Variants in HNRNPDL observed in about 807,000 individuals in gnomAD.
HNRNPDL encodes the protein heterogeneous nuclear ribonucleoprotein D-like.
In HNRNPDL, 18 loss-of-function variants were observed where a neutral mutation model predicts 48.0. That is an observed-to-expected ratio of 0.38 (90% confidence interval 0.26 to 0.56). HNRNPDL has a LOEUF of 0.56. HNRNPDL is among the 20% of genes least tolerant of loss of function. The pLI, the probability that HNRNPDL is intolerant of heterozygous loss-of-function variation, is 0.77. For synonymous variants in HNRNPDL, 306 were observed against 207.3 expected (o/e 1.48, Z -4.09); for missense variants, 553 against 540.7 (o/e 1.02, Z -0.23).
In HNRNPDL at chr4:82,423,951, TACA is replaced by T. The variant is rs1340095489; in HGVS notation, c.*952_*954del. 1 of 152,268 alleles carries T rather than the reference TACA, an allele frequency of 6.6e-6. No homozygotes were observed. The highest frequency in any genetic ancestry group is 6.5e-5 in the Admixed American group (1 of 15,282). The allele number at this position is 152,268 out of a possible 1,614,324, so 9.4% of individuals were successfully genotyped here. On this transcript the variant is annotated 3_prime_UTR_variant, in exon 8 of 8. Transcript: ENST00000295470. ...AAACTCACAGAGCATTAACAGCTAATACAACTTCCTCAGGATGCCCAAACAGAA... is the reference window on the plus strand; with the variant it reads ...AAACTCACAGAGCATTAACAGCTAATACTTCCTCAGGATGCCCAAACAGAA...
In HNRNPDL at chr4:82,429,482, G is replaced by A. The variant is rs1376844254; in HGVS notation, c.209C>T (p.Ala70Val). ...CCCTCCCTTTATAGCCGCCCCGCCC[G>A]CCAATCGGGAGGGCTGCTGGGCGGT... is the stretch of plus-strand genomic sequence containing the variant. The part of the protein sequence containing the change: ...HVTAQQPSRL[A>V]GGAAIKGGRR... Residue 70 changes from alanine (A) to valine (V), a missense_variant, in exon 1 of 8, where the codon GCG becomes GTG. This residue lies in a region of HNRNPDL where 327 missense variants were observed against 203.2 expected (regional missense o/e 1.61). Transcript: ENST00000295470. 4 of 1,575,038 alleles carry A rather than the reference G, an allele frequency of 2.5e-6. No homozygotes were observed. The highest frequency in any genetic ancestry group is 4.7e-5 in the East Asian group (2 of 42,804).
Position 82,426,051 on chromosome 4 carries a change from G to C in HNRNPDL, c.*8C>G. 6.2e-7 allele frequency: 1 copy of C among 1,602,234 alleles called. No individual in the cohort carries two copies. The highest frequency in any genetic ancestry group is 8.5e-7 in the Non-Finnish European group (1 of 1,169,616). On this transcript the variant is annotated 3_prime_UTR_variant, in exon 7 of 8. Coordinates refer to ENST00000295470, the MANE Select transcript of HNRNPDL (RefSeq NM_031372.4). ...CTTATACACACCTGTTTTCTCCAAT[G>C]TTCTCCTTTAGTATGGCTGGTAATT...
In HNRNPDL at chr4:82,429,424, A is replaced by C; in HGVS notation, c.267T>G (p.His89Gln). 6.2e-7 allele frequency: 1 copy of C among 1,612,574 alleles called. No individual in the cohort carries two copies. Among genetic ancestry groups the C allele is most frequent in the Non-Finnish European group, 8.5e-7 (1 of 1,179,504 alleles). The change falls in exon 1 of 8, where the codon CAT (histidine) becomes CAG (glutamine). Residue 89 changes from histidine to glutamine, a missense_variant. This residue lies in a region of HNRNPDL where 327 missense variants were observed against 203.2 expected (regional missense o/e 1.61). Transcript: ENST00000295470. ...AGCGTTGTATGGAGCTGGATTTAAAATGGCGGCGGAAGAGATCCGGGCGCC... is the reference window on the plus strand; with the variant it reads ...AGCGTTGTATGGAGCTGGATTTAAACTGGCGGCGGAAGAGATCCGGGCGCC... ...RRRRPDLFRRHFKSSSIQRSA... is the reference protein window; with the variant it reads ...RRRRPDLFRRQFKSSSIQRSA...
chr4:82,424,105 T>C lies in HNRNPDL; in HGVS notation c.*801A>G, dbSNP rs2110025692. 1 of 152,338 alleles carries C rather than the reference T, an allele frequency of 6.6e-6. No homozygotes were observed. Among genetic ancestry groups the C allele is most frequent in the Non-Finnish European group, 1.5e-5 (1 of 68,026 alleles). 9.4% of individuals were successfully genotyped at this position (152,338 alleles called of 1,614,324 possible). A position where few individuals can be genotyped will look rare whatever the true frequency, so the allele number is the denominator to read the frequency against. ...ATCCTTGAGTTGTAACTACTTCCAATGCTCTTAAACCATAGCTCCTACCAG... is the reference window on the plus strand; with the variant it reads ...ATCCTTGAGTTGTAACTACTTCCAACGCTCTTAAACCATAGCTCCTACCAG... On this transcript the variant is annotated 3_prime_UTR_variant, in exon 8 of 8. Coordinates refer to ENST00000295470, the MANE Select transcript of HNRNPDL (RefSeq NM_031372.4).
chr4:82,425,983 G>T, intron 7 of HNRNPDL, 54 bp downstream of exon 7: 2 of 1,144,936 alleles, frequency 1.7e-6, no homozygotes, highest in Non-Finnish European at 1.3e-6. Context: ...TTTGTCTATT[G>T]ATCTTTAAAT....
In HNRNPDL at chr4:82,429,550, G is replaced by C; in HGVS notation, c.141C>G (p.Pro47=). 3 of 1,457,532 alleles carry C rather than the reference G, an allele frequency of 2.1e-6. No homozygotes were observed. The highest frequency in any genetic ancestry group is 2.7e-6 in the Non-Finnish European group (3 of 1,109,328). 90.3% of individuals were successfully genotyped at this position (1,457,532 alleles called of 1,614,324 possible). A position where few individuals can be genotyped will look rare whatever the true frequency, so the allele number is the denominator to read the frequency against. ...QLAPLLPSLA[P]SSARQGARRA... ...GGCGCGCCCCCTGCCGGGCGGAGCT[G>C]GGAGCGAGCGAAGGGAGGAGCGGGG... The change falls in exon 1 of 8, where the codon CCC becomes CCG. Residue 47 remains proline, a synonymous_variant. Transcript: ENST00000295470.
Position 82,428,382 on chromosome 4 carries a change from G to A in HNRNPDL, c.508C>T (p.Arg170Ter). Residue 170 changes from arginine (R) to a stop codon, truncating the protein, a stop_gained, in exon 2 of 8, where the codon CGA (arginine) becomes TGA (stop). Coordinates refer to ENST00000295470, the MANE Select transcript of HNRNPDL (RefSeq NM_031372.4). LOFTEE classifies it high-confidence loss of function. Reference protein sequence around the residue: ...SKKDLTEYLSRFGEVVDCTIK... With the variant: ...SKKDLTEYLS ...GTGCAGTCTACAACTTCCCCAAATC[G>A]AGACAAGTACTCTGTCAGATCTTTT... is the stretch of plus-strand genomic sequence containing the variant. 1 of 1,613,542 alleles carries A rather than the reference G, an allele frequency of 6.2e-7. No individual in the cohort carries two copies. Among genetic ancestry groups the A allele is most frequent in the Non-Finnish European group, 8.5e-7 (1 of 1,179,574 alleles).
chr4:82,428,196 T>C lies in HNRNPDL; in HGVS notation c.613-17A>G, dbSNP rs199536709. 3.5e-4 allele frequency: 570 copies of C among 1,612,728 alleles called. 2 individuals carry two copies. Among genetic ancestry groups the C allele is most frequent in the Admixed American group, 1.3e-4 (8 of 59,814 alleles). ...TTCCAAAACCTACAAGACAGATTTA[T>C]TTAATCTGACAGCACCATATAACCC... is the stretch of plus-strand genomic sequence containing the variant. On this transcript the variant is annotated splice_polypyrimidine_tract_variant and intron_variant, in intron 2 of 7. Coordinates refer to ENST00000295470, the MANE Select transcript of HNRNPDL (RefSeq NM_031372.4).
rs1228480092 is a variant in HNRNPDL, at chr4:82,426,482, C to T, written c.1173G>A (p.Gln391=). 4 of 1,612,118 alleles carry T rather than the reference C, an allele frequency of 2.5e-6. No individual in the cohort carries two copies. Among genetic ancestry groups the T allele is most frequent in the Non-Finnish European group, 3.4e-6 (4 of 1,178,456 alleles). Residue 391 remains glutamine, a synonymous_variant, in exon 6 of 8, where the codon CAG becomes CAA. Coordinates refer to ENST00000295470, the MANE Select transcript of HNRNPDL (RefSeq NM_031372.4). ...GYNYGNYGYG[Q]GYADYSGQQS... is the part of the protein sequence containing the mutation. ...TCTTACCACTGTAGTCTGCATATCC[C>T]TGTCCATATCCATAGTTCCCATAGT...
chr4:82,429,376 G>C lies in HNRNPDL; in HGVS notation c.315C>G (p.Thr105=), dbSNP rs11552701. 10 of 1,613,540 alleles carry C rather than the reference G, an allele frequency of 6.2e-6. No individual in the cohort carries two copies. Among genetic ancestry groups the C allele is most frequent in the South Asian group, 3.3e-5 (3 of 91,078 alleles). ...IQRSAAAAAA[T]RTARQHPPAD... ...CAGGGGGGTGCTGGCGCGCAGTCCG[G>C]GTCGCGGCAGCAGCGGCGGCGGAGC... Residue 105 remains threonine, a synonymous_variant, in exon 1 of 8, where the codon ACC becomes ACG. Transcript: ENST00000295470.
chr4:82,429,834 C>T lies in HNRNPDL; in HGVS notation c.-144G>A, dbSNP rs1463199698. Reference sequence around the variant, plus strand: ...GAGCCGACGCAGGGCCACAGTCCCTCTTGCCTTGGGAGCCTTTGTCTCTGG... The same window carrying T: ...GAGCCGACGCAGGGCCACAGTCCCTTTTGCCTTGGGAGCCTTTGTCTCTGG... On this transcript the variant is annotated 5_prime_UTR_variant, in exon 1 of 8. Transcript: ENST00000295470. The T allele has an allele frequency of 3.8e-6, 2 of 523,232 alleles. No homozygotes were observed. Among genetic ancestry groups the T allele is most frequent in the African/African-American group, 2.0e-5 (1 of 50,362 alleles). The allele number at this position is 523,232 out of a possible 1,614,324, so 32.4% of individuals were successfully genotyped here.
chr4:82,427,144 C>T, intron 5 of HNRNPDL, 46 bp downstream of exon 5: 1 of 1,241,166 alleles, frequency 8.1e-7, no homozygotes, highest in Non-Finnish European at 1.2e-6. Context: ...CAGCAGTATA[C>T]AGCTTAAATA....
intron 1 of HNRNPDL, among the ~76,000 whole-genome samples, chr4:82,428,872 C>T (rs1044142855): frequency 1.3e-5 from 2 of 152,238 alleles, no homozygotes; most frequent in African/African-American, 4.8e-5. Flanking sequence ...TGCCCCAACT[C>T]AGTCCTCTAA....
chr4:82,427,871 A>C (rs1721484175), intron 3 of HNRNPDL, 147 bp downstream of exon 3: 1 of 805,312 alleles, frequency 1.2e-6, no homozygotes, highest in East Asian at 2.7e-5. Context: ...AGCAGCAATG[A>C]AATCAAGGTA....
Position 82,426,233 on chromosome 4 carries a change from T to C in HNRNPDL, c.1193-104A>G, listed in dbSNP as rs1721401107. 4.5e-6 allele frequency: 5 copies of C among 1,118,074 alleles called. No individual in the cohort carries two copies. The East Asian group carries it at 7.1e-5, about 16-fold the overall frequency. The allele number at this position is 1,118,074 out of a possible 1,614,324, so 69.3% of individuals were successfully genotyped here. ...AAATCTTTGCATGCTAAATAAAAAG[T>C]ATTAAGATATTTTAGCACCCATTAG... On this transcript the variant is annotated intron_variant, in intron 6 of 7. Coordinates refer to ENST00000295470, the MANE Select transcript of HNRNPDL (RefSeq NM_031372.4).
chr4:82,427,672 G>C (rs1721474196), intron 3 of HNRNPDL, 108 bp from the exon 4 acceptor site: 3 of 1,004,056 alleles, frequency 3.0e-6, no homozygotes, highest in Non-Finnish European at 4.6e-6. Flanking sequence ...ATTCTTATCG[G>C]GTGACTTCTA....
At chr4:82,428,952 T>A (rs1015986323) in intron 1 of HNRNPDL, among the ~76,000 whole-genome samples, 3 of 152,174 alleles carry the variant, frequency 2.0e-5, no homozygotes, top group African/African-American at 2.4e-5. Context: ...AGCTGCAGCG[T>A]GCAGCGCTGG....
At chr4:82,428,507 G>T in intron 1 of HNRNPDL, 61 bp from the exon 2 acceptor site, 1 of 1,308,220 alleles carries the variant, frequency 7.6e-7, no homozygotes, top group Non-Finnish European at 1.1e-6. Context: ...TTCAGTTCTG[G>T]AATTAAATCG....
At position 82,429,874 on chromosome 4, in the gene HNRNPDL, C is replaced by G; in HGVS notation, c.-184G>C. The G allele has an allele frequency of 2.4e-6, 1 of 415,278 alleles. No homozygotes were observed. The highest frequency in any genetic ancestry group is 4.1e-6 in the Non-Finnish European group (1 of 241,318). The allele number at this position is 415,278 out of a possible 1,614,324, so 25.7% of individuals were successfully genotyped here. On this transcript the variant is annotated 5_prime_UTR_variant, in exon 1 of 8. Coordinates refer to ENST00000295470, the MANE Select transcript of HNRNPDL (RefSeq NM_031372.4). The stretch of plus-strand genomic sequence containing the variant: ...TTTGTCTCTGGCGTCCGGTCCAGCC[C>G]ACTCCTACCAAAAAGCCGTCAACCC...
Sources: allele counts gnomAD v4.1 joint callset (sites outside exome capture counted in the v4.1 genomes callset), GRCh38; gene constraint gnomAD v4.1.1; regional missense constraint gnomAD v4.1.1; transcripts MANE v1.5; gene names NCBI Gene and HGNC (gene_info 2026-07-23, HGNC 2026-07-21).